CAMTA1: variants seen among roughly 807,000 people sequenced by gnomAD.
The protein encoded by CAMTA1 is calmodulin binding transcription activator 1.
A neutral mutation model predicts 170.9 loss-of-function variants in CAMTA1; 27 were observed. The observed-to-expected ratio is 0.16, with a 90% CI of 0.12 to 0.22. The LOEUF (loss-of-function observed/expected upper bound fraction) is 0.22. Among genes scored for constraint, CAMTA1 ranks in the 10% least tolerant of loss-of-function variants. The pLI is 1.00. For synonymous variants in CAMTA1, 833 were observed against 891.5 expected (o/e 0.93, Z 1.17); for missense variants, 1,619 against 2,217.2 (o/e 0.73, Z 5.42).
At chr1:7,444,785 GT>G (rs1490877247) in intron 5 of CAMTA1, among the ~76,000 whole-genome samples, 1 of 152,202 alleles carries the variant, frequency 6.6e-6, no homozygotes, top group Non-Finnish European at 1.5e-5. Flanking sequence ...AGAAATGGGG[GT>G]TTCCCCCAAC....
At chr1:6,944,259 A>G (rs973923654) in intron 3 of CAMTA1, among the ~76,000 whole-genome samples, 12 of 152,296 alleles carry the variant, frequency 7.9e-5, no homozygotes, top group African/African-American at 2.9e-4. Context: ...ACCTTTGCCT[A>G]TCCGCTCGTC....
At chr1:7,640,954 G>A (rs1056822530) in intron 7 of CAMTA1, among the ~76,000 whole-genome samples, 2 of 152,324 alleles carry the variant, frequency 1.3e-5, no homozygotes, top group Admixed American at 6.5e-5. Context: ...GCCCATCCAC[G>A]TGGGATCTGG....
chr1:7,053,972 G>T (rs1427283721), intron 3 of CAMTA1, among the ~76,000 whole-genome samples: 1 of 152,162 alleles, frequency 6.6e-6, no homozygotes, highest in African/African-American at 2.4e-5. Context: ...TGCCCATTTT[G>T]GGGACTTGCT....
chr1:7,249,836 G>A lies in CAMTA1; in HGVS notation c.438+210G>A, dbSNP rs1666357051. On this transcript the variant is annotated intron_variant, in intron 5 of 22. Coordinates refer to ENST00000303635, the MANE Select transcript of CAMTA1 (RefSeq NM_015215.4). This position sits in a 1 kb window ranked among gnomAD's most constrained non-coding sequence, Gnocchi z 4.4. Reference sequence around the variant, plus strand: ...TTCAGTGAAACTGGATTGAACTAAAGCACTCCTGTTTCTTGGGAGTCATTG... The same window carrying A: ...TTCAGTGAAACTGGATTGAACTAAAACACTCCTGTTTCTTGGGAGTCATTG... Among the ~76,000 whole-genome samples, 1 of 152,186 alleles carries A rather than the reference G, an allele frequency of 6.6e-6. No individual in the cohort carries two copies. Among genetic ancestry groups the A allele is most frequent in the African/African-American group, 2.4e-5 (1 of 41,426 alleles).
intron 3 of CAMTA1, among the ~76,000 whole-genome samples, chr1:6,847,005 A>ATT (rs879327132): frequency 1.4e-5 from 2 of 144,440 alleles, no homozygotes; most frequent in African/African-American, 2.5e-5. Context: ...TGAAGGATGG[A>ATT]TTTTTTTTTT....
intron 1 of CAMTA1, among the ~76,000 whole-genome samples, chr1:6,797,947 A>G (rs2148146241): frequency 6.6e-6 from 1 of 151,746 alleles, no homozygotes. Flanking sequence ...TATTATTTAA[A>G]TATAATTTCT....
At chr1:6,823,457 T>C (rs1329323570) in intron 2 of CAMTA1, among the ~76,000 whole-genome samples, 1 of 152,166 alleles carries the variant, frequency 6.6e-6, no homozygotes, top group Non-Finnish European at 1.5e-5. Context: ...GCAGTCAGTT[T>C]TTAGGTTTTT....
chr1:7,666,326 A>G (rs1053243502), intron 9 of CAMTA1, among the ~76,000 whole-genome samples: 6 of 152,312 alleles, frequency 3.9e-5, no homozygotes, highest in Non-Finnish European at 8.8e-5. Flanking sequence ...ATCCTTCTTA[A>G]GTAAACCTGG....
intron 6 of CAMTA1, among the ~76,000 whole-genome samples, chr1:7,516,115 G>T (rs570725593): frequency 6.6e-5 from 10 of 152,342 alleles, no homozygotes; most frequent in African/African-American, 2.4e-4. Context: ...CTCCCAGCCG[G>T]CTGGGGAACG....
At chr1:7,413,224 G>C (rs915927336) in intron 5 of CAMTA1, among the ~76,000 whole-genome samples, 3 of 152,192 alleles carry the variant, frequency 2.0e-5, no homozygotes, top group Admixed American at 6.5e-5. Flanking sequence ...GCTTAAGATT[G>C]ACTTGGTGAT....
In CAMTA1 at chr1:7,300,106, G is replaced by C. The variant is rs1461355590; in HGVS notation, c.438+50480G>C. 6.6e-6 allele frequency among the ~76,000 whole-genome samples: 1 copy of C among 152,064 alleles called. No homozygotes were observed. The highest frequency in any genetic ancestry group is 1.5e-5 in the Non-Finnish European group (1 of 68,006). ...CAGCTTCTGTATAATTTGAATTTGA[G>C]ATAGCATTCTTAAAAAAAAATTCCC... On this transcript the variant is annotated intron_variant, in intron 5 of 22. Transcript: ENST00000303635. The surrounding 1 kb of genome is among the most constrained non-coding windows in gnomAD (Gnocchi z 4.1).
intron 11 of CAMTA1, among the ~76,000 whole-genome samples, chr1:7,719,667 C>A (rs909553333): frequency 6.6e-6 from 1 of 152,206 alleles, no homozygotes; most frequent in African/African-American, 2.4e-5. Flanking sequence ...CTCCACCCGG[C>A]CCTTACCCTT....
rs1638859072 is a variant in CAMTA1 at position 6,785,459 on chromosome 1, C to T, written c.-72C>T. ...GGCCAGGGCGGGTGCGCGGCGGCGG[C>T]GGGGTGGCTGGGCCGGCGGCGGCGG... On this transcript the variant is annotated 5_prime_UTR_variant, in exon 1 of 23. Coordinates refer to ENST00000303635, the MANE Select transcript of CAMTA1 (RefSeq NM_015215.4). 3 of 950,420 alleles carry T rather than the reference C, an allele frequency of 3.2e-6. No individual in the cohort carries two copies. The highest frequency in any genetic ancestry group is 2.5e-6 in the Non-Finnish European group (2 of 788,732). 58.9% of individuals were successfully genotyped at this position (950,420 alleles called of 1,614,324 possible). A position where few individuals can be genotyped will look rare whatever the true frequency, so the allele number is the denominator to read the frequency against.
chr1:6,907,065 G>A lies in CAMTA1; in HGVS notation c.234+81855G>A, dbSNP rs369225485. On this transcript the variant is annotated intron_variant, in intron 3 of 22. Transcript: ENST00000303635. ...TGAGATCCATCTTCGGGATAGGCAGGCATCATTTAAGATCTCAGTATTTAA... is the reference window on the plus strand; with the variant it reads ...TGAGATCCATCTTCGGGATAGGCAGACATCATTTAAGATCTCAGTATTTAA... Among the ~76,000 whole-genome samples the A allele has an allele frequency of 4.6e-5, 7 of 152,266 alleles. No individual in the cohort carries two copies. In the East Asian group the frequency reaches 9.6e-4, roughly 21 times the overall value.
intron 6 of CAMTA1, among the ~76,000 whole-genome samples, chr1:7,499,319 C>T (rs62653664): frequency 0.17 from 9,234 of 53,668 alleles, 1,105 homozygotes; most frequent in East Asian, 0.51. Context: ...AGTGTGTGTG[C>T]ATGTGTGTAC....
chr1:6,842,393 C>T (rs369734780), intron 3 of CAMTA1, among the ~76,000 whole-genome samples: 7 of 152,298 alleles, frequency 4.6e-5, no homozygotes, highest in African/African-American at 1.2e-4. Flanking sequence ...ATGGGTGGTT[C>T]GCAGCCCTGC....
At chr1:6,814,278 A>C (rs187968351) in intron 1 of CAMTA1, among the ~76,000 whole-genome samples, 1 of 152,200 alleles carries the variant, frequency 6.6e-6, no homozygotes, top group African/African-American at 2.4e-5. Flanking sequence ...ACTGTGGCAG[A>C]GACTGCTAGT....
chr1:7,226,533 C>T (rs571207164), intron 4 of CAMTA1, among the ~76,000 whole-genome samples: 21 of 152,284 alleles, frequency 1.4e-4, no homozygotes, highest in African/African-American at 4.8e-4. Flanking sequence ...CAAAAAGCAA[C>T]CAACTTCACA....
At chr1:7,003,091 T>G (rs1557955381) in intron 3 of CAMTA1, among the ~76,000 whole-genome samples, 1 of 152,204 alleles carries the variant, frequency 6.6e-6, no homozygotes, top group Non-Finnish European at 1.5e-5. Context: ...TTGCAGGGTG[T>G]TTAGCTGCAT....
Sources: allele counts gnomAD v4.1 joint callset (sites outside exome capture counted in the v4.1 genomes callset), GRCh38; gene constraint gnomAD v4.1.1; non-coding constraint Gnocchi (gnomAD v3.1); transcripts MANE v1.5; gene names NCBI Gene and HGNC (gene_info 2026-07-23, HGNC 2026-07-21).